Variants in UBXN6 observed in about 807,000 individuals in gnomAD.
UBXN6 encodes UBX domain protein 6.
A neutral mutation model predicts 51.4 loss-of-function variants in UBXN6; 44 were observed. The observed-to-expected ratio is 0.86, with a 90% CI of 0.67 to 1.10. UBXN6 has a LOEUF of 1.10. Ranked by LOEUF, UBXN6 falls within the 50% of genes least tolerant of loss-of-function variation. The pLI, the probability that UBXN6 is intolerant of heterozygous loss-of-function variation, is 0.00. For missense variants in UBXN6, 672 were observed against 596.1 expected (o/e 1.13, Z -1.32); for synonymous variants, 316 against 263.2 (o/e 1.20, Z -1.94).
chr19:4,445,756 AC>A, intron 10 of UBXN6, 133 bp from the exon 11 acceptor site: 1 of 1,415,714 alleles, frequency 7.1e-7, no homozygotes, highest in South Asian at 1.4e-5. Context: ...TGTGGCTCGC[AC>A]CCAGGCCTCC....
At chr19:4,447,978 C>A (rs949646646) in intron 5 of UBXN6, 3 of 501,362 alleles carry the variant, frequency 6.0e-6, no homozygotes, top group African/African-American at 3.9e-5. Context: ...GGTGCTCCCT[C>A]GGCGTTGGCG....
intron 1 of UBXN6, 114 bp downstream of exon 1, chr19:4,457,500 GT>G (rs1974756269): frequency 2.8e-6 from 2 of 725,636 alleles, no homozygotes; most frequent in Admixed American, 9.4e-5. Context: ...TGACCCTCGC[GT>G]GCCGCTCCCA....
In UBXN6 at chr19:4,445,291, G is replaced by T; in HGVS notation, c.*207C>A. 1 of 775,340 alleles carries T rather than the reference G, an allele frequency of 1.3e-6. No homozygotes were observed. Among genetic ancestry groups the T allele is most frequent in the Non-Finnish European group, 2.1e-6 (1 of 487,684 alleles). The allele number at this position is 775,340 out of a possible 1,614,324, so 48.0% of individuals were successfully genotyped here. On this transcript the variant is annotated 3_prime_UTR_variant, in exon 11 of 11. Transcript: ENST00000301281. ...TGGTGTCCCCAGGCCTCTCCCTCGG[G>T]GGCTTGGGCGCATCCCCACAGCCCC...
rs376182636 is a variant in UBXN6, at chr19:4,447,601, G to A, written c.564C>T (p.His188=). 3.1e-6 allele frequency: 5 copies of A among 1,613,978 alleles called. No individual in the cohort carries two copies. Among genetic ancestry groups the A allele is most frequent in the Non-Finnish European group, 4.2e-6 (5 of 1,179,908 alleles). Residue 188 remains histidine, a synonymous_variant, in exon 6 of 11, where the codon CAC becomes CAT. Transcript: ENST00000301281. ...TCTTCCGGTACTTCTCCTCCTCGGG[G>A]TGCAGGTGGATGTTGTCCAGGTACC... The part of the protein sequence containing the change: ...IAKYLDNIHL[H]PEEEKYRKIK...
chr19:4,455,424 T>G (rs1352986966), intron 1 of UBXN6: 4 of 371,634 alleles, frequency 1.1e-5, no homozygotes, highest in Non-Finnish European at 1.5e-5. Context: ...CCCGGCCTCA[T>G]CCGATATCTG....
At chr19:4,453,621 C>G in intron 2 of UBXN6, 99 bp from the exon 3 acceptor site, 1 of 1,395,100 alleles carries the variant, frequency 7.2e-7, no homozygotes, top group South Asian at 1.2e-5. Flanking sequence ...CTGGGGGCCA[C>G]GCACACCGCC....
At chr19:4,448,130 ACTGAGGCCCAAGGAGGCCCAGCCCTTTGC>A in intron 5 of UBXN6, 159 bp downstream of exon 5, 1 of 610,284 alleles carries the variant, frequency 1.6e-6, no homozygotes, top group African/African-American at 1.8e-5. Flanking sequence ...ACACGGGTAA[ACTGAGGCCCAAGGAGGCCCAGCCCTTTGC>A]CTGAGGCCTC....
Position 4,452,427 on chromosome 19 carries a change from C to T in UBXN6, c.378G>A (p.Pro126=), listed in dbSNP as rs371983225. ...LAVPGVYFTC[P]LTGATLRKDQ... Reference sequence around the variant, plus strand: ...CCTTCCTCAGGGTGGCCCCAGTGAGCGGACAGGTGAAGTACACGCCAGGCA... The same window carrying T: ...CCTTCCTCAGGGTGGCCCCAGTGAGTGGACAGGTGAAGTACACGCCAGGCA... The change falls in exon 4 of 11, where the codon CCG becomes CCA. Residue 126 remains proline, a synonymous_variant. Transcript: ENST00000301281. The T allele has an allele frequency of 3.7e-6, 6 of 1,612,860 alleles. No homozygotes were observed. Among genetic ancestry groups the T allele is most frequent in the Admixed American group, 3.3e-5 (2 of 60,012 alleles).
At chr19:4,457,403 CT>C (rs1742501935) in intron 1 of UBXN6, among the ~76,000 whole-genome samples, 1 of 128,182 alleles carries the variant, frequency 7.8e-6, no homozygotes, top group Non-Finnish European at 1.7e-5. Flanking sequence ...CCGCCCCCTC[CT>C]GCCCCGCCCC....
Position 4,445,433 on chromosome 19 carries a change from GCGGGGAGAGGAA to G in UBXN6, c.*53_*64del. 1 of 1,601,650 alleles carries G rather than the reference GCGGGGAGAGGAA, an allele frequency of 6.2e-7. No individual in the cohort carries two copies. Among genetic ancestry groups the G allele is most frequent in the Non-Finnish European group, 8.5e-7 (1 of 1,171,840 alleles). On this transcript the variant is annotated 3_prime_UTR_variant, in exon 11 of 11. Coordinates refer to ENST00000301281, the MANE Select transcript of UBXN6 (RefSeq NM_025241.3). ...GAGGTGGCTTGGAGGCCCTGGGGTG[GCGGGGAGAGGAA>G]CAGGGAGAGCATGAGACAGACCCAC...
intron 1 of UBXN6, among the ~76,000 whole-genome samples, chr19:4,456,227 C>A (rs571992428): frequency 6.6e-6 from 1 of 151,812 alleles, no homozygotes; most frequent in African/African-American, 2.4e-5. Flanking sequence ...ACCCCCCACC[C>A]ACTATTGGTT....
chr19:4,448,368 C>T lies in UBXN6; in HGVS notation c.489G>A (p.Thr163=), dbSNP rs149717969. The T allele has an allele frequency of 1.3e-5, 21 of 1,610,616 alleles. No homozygotes were observed. In the African/African-American group the frequency reaches 1.6e-4, roughly 12 times the overall value. Residue 163 remains threonine (T), a synonymous_variant, in exon 5 of 11, where the codon ACG becomes ACA. Coordinates refer to ENST00000301281, the MANE Select transcript of UBXN6 (RefSeq NM_025241.3). The part of the protein sequence containing the change: ...PVAASIMKIY[T]FNKDQDRVKL... Reference sequence around the variant, plus strand: ...TCACCCGGTCCTGGTCTTTGTTGAACGTGTAGATCTTCATGATGGAGGCGG... The same window carrying T: ...TCACCCGGTCCTGGTCTTTGTTGAATGTGTAGATCTTCATGATGGAGGCGG...
At chr19:4,447,855 G>A (rs1014018772) in intron 5 of UBXN6, 12 of 565,116 alleles carry the variant, frequency 2.1e-5, no homozygotes, top group African/African-American at 9.4e-5. Flanking sequence ...ACCCCTCACC[G>A]TCCCACCAGC....
rs1321677035 is a variant in UBXN6, at chr19:4,454,037, C to T, written c.140G>A (p.Gly47Glu). The change falls in exon 2 of 11, where the codon GGA (glycine) becomes GAA (glutamate). Residue 47 changes from glycine (G) to glutamate (E), a missense_variant. Physicochemically the swap from Gly to Glu is moderately conservative, Grantham distance 98. Coordinates refer to ENST00000301281, the MANE Select transcript of UBXN6 (RefSeq NM_025241.3). Reference sequence around the variant, plus strand: ...TGCCATCTGTGCCTCATTGGTGGGTCCCTGGCGGGGCGGCCTGGGGGCTGG... The same window carrying T: ...TGCCATCTGTGCCTCATTGGTGGGTTCCTGGCGGGGCGGCCTGGGGGCTGG... Reference protein sequence around the residue: ...NQPAPRPPRQGPTNEAQMAAA... With the variant: ...NQPAPRPPRQEPTNEAQMAAA... The T allele has an allele frequency of 6.3e-7, 1 of 1,593,560 alleles. No homozygotes were observed. The highest frequency in any genetic ancestry group is 8.5e-7 in the Non-Finnish European group (1 of 1,172,564).
rs1268844171 is a variant in UBXN6 at position 4,446,295 on chromosome 19, A to G, written c.1039T>C (p.Cys347Arg). ...TLLRVRLPDG[C>R]LLQGTFYARE... The stretch of plus-strand genomic sequence containing the variant: ...CGTTGGTGCCCACCCTGCAGGAGGC[A>G]GCCATCGGGGAGGCGCACGCGCAGC... The change falls in exon 9 of 11, where the codon TGC becomes CGC. Residue 347 changes from cysteine (C) to arginine (R), a missense_variant. Coordinates refer to ENST00000301281, the MANE Select transcript of UBXN6 (RefSeq NM_025241.3). 2.5e-6 allele frequency: 4 copies of G among 1,572,022 alleles called. No individual in the cohort carries two copies. The highest frequency in any genetic ancestry group is 3.4e-6 in the Non-Finnish European group (4 of 1,163,514).
At chr19:4,455,323 C>A in intron 1 of UBXN6, 11 of 985,198 alleles carry the variant, frequency 1.1e-5, no homozygotes, top group Non-Finnish European at 1.3e-5. Flanking sequence ...CATACCCGGG[C>A]AGCCCTCCCT....
intron 1 of UBXN6, among the ~76,000 whole-genome samples, chr19:4,456,151 G>A (rs1009287077): frequency 1.3e-5 from 2 of 151,848 alleles, no homozygotes; most frequent in African/African-American, 4.8e-5. Context: ...CAGGCTCTGG[G>A]CTGATCCAGC....
Position 4,445,324 on chromosome 19 carries a change from T to C in UBXN6, c.*174A>G, listed in dbSNP as rs1383551870. On this transcript the variant is annotated 3_prime_UTR_variant, in exon 11 of 11. Transcript: ENST00000301281. ...GCGCATCCCCACAGCCCCCAAGGGA[T>C]GGGGGCTCTGCCACGGGGCCCAATT... 9.0e-7 allele frequency: 1 copy of C among 1,106,574 alleles called. No homozygotes were observed. The highest frequency in any genetic ancestry group is 1.6e-5 in the African/African-American group (1 of 63,484). The allele number at this position is 1,106,574 out of a possible 1,614,324, so 68.5% of individuals were successfully genotyped here. A position where few individuals can be genotyped will look rare whatever the true frequency, so the allele number is the denominator to read the frequency against.
At chr19:4,455,503 G>A (rs904950294) in intron 1 of UBXN6, 1 of 157,526 alleles carries the variant, frequency 6.3e-6, no homozygotes, top group African/African-American at 2.4e-5. Context: ...TGCCCCCCTG[G>A]GCAGCCACAG....
Sources: allele counts gnomAD v4.1 joint callset (sites outside exome capture counted in the v4.1 genomes callset), GRCh38; gene constraint gnomAD v4.1.1; transcripts MANE v1.5; gene names NCBI Gene and HGNC (gene_info 2026-07-23, HGNC 2026-07-21).